Variants in PRKAR1B observed in about 807,000 individuals in gnomAD.
PRKAR1B encodes the protein protein kinase cAMP-dependent type I regulatory subunit beta, also known as cAMP-dependent protein kinase type I-beta regulatory subunit.
A neutral mutation model predicts 46.5 loss-of-function variants in PRKAR1B; 22 were observed. That is an observed-to-expected ratio of 0.47 (90% CI 0.34 to 0.68). The LOEUF (loss-of-function observed/expected upper bound fraction) is 0.68, where lower values mean the gene tolerates loss of function less well. Ranked by LOEUF, PRKAR1B falls within the 30% of genes least tolerant of loss-of-function variation. The pLI is 0.01. For missense variants in PRKAR1B, 445 were observed against 535.6 expected, an observed-to-expected ratio of 0.83 and a Z score of 1.67; for synonymous variants, 259 against 217.7, an observed-to-expected ratio of 1.19 and a Z score of -1.67.
intron 4 of PRKAR1B, among the ~76,000 whole-genome samples, chr7:660,769 C>T (rs1785487968): frequency 9.3e-6 from 1 of 107,436 alleles, no homozygotes; most frequent in African/African-American, 3.8e-5. Context: ...CTCTCCCCTC[C>T]ATAGCACAGG....
intron 4 of PRKAR1B, among the ~76,000 whole-genome samples, chr7:675,257 T>A (rs1489612579): frequency 2.0e-5 from 3 of 152,194 alleles, no homozygotes; most frequent in Admixed American, 1.3e-4. Flanking sequence ...CCTAGACCCA[T>A]CACCCCATCA....
At chr7:675,652 A>C (rs1436205355) in intron 4 of PRKAR1B, among the ~76,000 whole-genome samples, 1 of 152,174 alleles carries the variant, frequency 6.6e-6, no homozygotes, top group Non-Finnish European at 1.5e-5. Context: ...AATGTTCATA[A>C]AGTTAAAAAT....
intron 4 of PRKAR1B, among the ~76,000 whole-genome samples, chr7:655,809 TG>T (rs139482818): frequency 3.5e-4 from 54 of 152,250 alleles, no homozygotes; most frequent in African/African-American, 1.3e-3. Flanking sequence ...CCCTGATTGA[TG>T]AGAGCATGCC....
At chr7:684,216 G>T (rs936836997) in intron 2 of PRKAR1B, among the ~76,000 whole-genome samples, 3 of 152,126 alleles carry the variant, frequency 2.0e-5, no homozygotes, top group Non-Finnish European at 4.4e-5. Context: ...ACCTCTGCCT[G>T]TGCCAGCCAA....
At chr7:727,401 G>A (rs1562370000), upstream of PRKAR1B, 3 of 648,088 alleles carry the variant, frequency 4.6e-6, no homozygotes, top group African/African-American at 3.6e-5. Context: ...CAACCCCCGC[G>A]GCTCGGCCCC....
At chr7:586,805 A>C (rs1423842749) in intron 7 of PRKAR1B, among the ~76,000 whole-genome samples, 2 of 152,190 alleles carry the variant, frequency 1.3e-5, no homozygotes, top group African/African-American at 2.4e-5. Context: ...GGCGGCTGGC[A>C]TAACACCCTG....
intron 9 of PRKAR1B, among the ~76,000 whole-genome samples, chr7:574,547 T>G (rs965905308): frequency 6.6e-6 from 1 of 152,020 alleles, no homozygotes; most frequent in Non-Finnish European, 1.5e-5. Context: ...TGGGTTCAAG[T>G]GATTCTTATG....
intron 1 of PRKAR1B, among the ~76,000 whole-genome samples, chr7:718,863 CTTTTTTTTTTT>C (rs1165723435): frequency 1.4e-5 from 1 of 73,846 alleles, no homozygotes; most frequent in Non-Finnish European, 2.4e-5. Flanking sequence ...CTTTTATAGG[CTTTTTTTTTTT>C]TTTTTTTTTT....
At chr7:627,724 G>A (rs928548063) in intron 4 of PRKAR1B, among the ~76,000 whole-genome samples, 3 of 151,984 alleles carry the variant, frequency 2.0e-5, no homozygotes, top group Admixed American at 6.6e-5. Context: ...CCCCCGCCCA[G>A]CTCACGCCCG....
chr7:690,442 C>A (rs1312476350), intron 2 of PRKAR1B, among the ~76,000 whole-genome samples: 2 of 152,034 alleles, frequency 1.3e-5, no homozygotes, highest in East Asian at 3.9e-4. Context: ...GCACACGTAC[C>A]CCCAAACCTA....
At chr7:587,011 G>A (rs1403195436) in intron 7 of PRKAR1B, among the ~76,000 whole-genome samples, 1 of 151,930 alleles carries the variant, frequency 6.6e-6, no homozygotes, top group East Asian at 1.9e-4. Flanking sequence ...AGCCTCCGGA[G>A]TAGCTGGGAC....
rs570237599 is a variant in PRKAR1B at position 589,082 on chromosome 7, G to A, written c.709-4514C>T. ...GATGATGGTGGTAGTGGTTTTTACC[G>A]GGTACACAAAAGTGTGCTGACGGGG... On this transcript the variant is annotated intron_variant, in intron 7 of 10. Coordinates refer to ENST00000537384, the MANE Select transcript of PRKAR1B (RefSeq NM_001164760.2). Among the ~76,000 whole-genome samples, 82 of 150,556 alleles carry A rather than the reference G, an allele frequency of 5.4e-4. 1 individual carries two copies. The Middle Eastern group carries it at 0.01, about 19-fold the overall frequency.
chr7:665,906 G>C (rs1583386279), intron 4 of PRKAR1B, among the ~76,000 whole-genome samples: 1 of 152,202 alleles, frequency 6.6e-6, no homozygotes, highest in African/African-American at 2.4e-5. Flanking sequence ...ACAGATAACA[G>C]ACAGCTGCGC....
At chr7:629,524 A>T (rs1583323983) in intron 4 of PRKAR1B, among the ~76,000 whole-genome samples, 1 of 124,172 alleles carries the variant, frequency 8.1e-6, no homozygotes, top group Non-Finnish European at 1.7e-5. Flanking sequence ...CCACCACCCC[A>T]GGGCTGGAAA....
At chr7:705,197 C>T (rs544368651) in intron 2 of PRKAR1B, among the ~76,000 whole-genome samples, 1 of 151,084 alleles carries the variant, frequency 6.6e-6, no homozygotes, top group Non-Finnish European at 1.5e-5. Flanking sequence ...GAGGCTGAGG[C>T]AGGAAAATCG....
At chr7:595,949 C>T (rs1442456674) in intron 7 of PRKAR1B, among the ~76,000 whole-genome samples, 197 bp downstream of exon 7, 2 of 152,204 alleles carry the variant, frequency 1.3e-5, no homozygotes, top group African/African-American at 4.8e-5. Flanking sequence ...GTGAAGGGGC[C>T]TCCCCAGCCA....
intron 1 of PRKAR1B, among the ~76,000 whole-genome samples, 192 bp from the exon 2 acceptor site, chr7:711,719 C>A (rs1051345497): frequency 6.9e-6 from 1 of 145,182 alleles, no homozygotes; most frequent in African/African-American, 2.6e-5. Flanking sequence ...AGCCTTCCCT[C>A]CCCACAGACC....
intron 1 of PRKAR1B, 113 bp from the exon 2 acceptor site, chr7:711,640 G>T: frequency 1.1e-6 from 1 of 943,178 alleles, no homozygotes; most frequent in Non-Finnish European, 1.6e-6. Context: ...GAAAGTCACT[G>T]ATTCTGCATT....
At chr7:622,643 G>C (rs149581021) in intron 4 of PRKAR1B, among the ~76,000 whole-genome samples, 8 of 152,240 alleles carry the variant, frequency 5.3e-5, no homozygotes, top group Admixed American at 4.6e-4. Flanking sequence ...CCCCTCCCAT[G>C]ATGTCAAAGA....
Sources: allele counts gnomAD v4.1 joint callset (sites outside exome capture counted in the v4.1 genomes callset), GRCh38; gene constraint gnomAD v4.1.1; transcripts MANE v1.5; gene names NCBI Gene and HGNC (gene_info 2026-07-23, HGNC 2026-07-21).